The following SSC5D variants were observed in gnomAD, a reference collection of about 807,000 sequenced individuals.
The protein encoded by SSC5D is soluble scavenger receptor cysteine-rich domain-containing protein SSC5D.
In SSC5D, 106 loss-of-function variants were observed where a neutral mutation model predicts 104.6. The observed-to-expected ratio is 1.01, with a 90% CI of 0.87 to 1.19. The LOEUF is 1.19. Ranked by LOEUF, SSC5D falls within the 50% of genes most tolerant of loss-of-function variation. The probability of loss-of-function intolerance (pLI) is 0.00; values close to 1 mark genes in which losing one functional copy is unlikely to be tolerated. For missense variants in SSC5D, 1,993 were observed against 2,153.8 expected (o/e 0.93, Z 1.48); for synonymous variants, 860 against 883.5 (o/e 0.97, Z 0.47).
chr19:55,502,962 T>C (rs1987544702), intron 12 of SSC5D, among the ~76,000 whole-genome samples: 1 of 152,062 alleles, frequency 6.6e-6, no homozygotes, highest in Non-Finnish European at 1.5e-5. Flanking sequence ...ATTACAGGCG[T>C]GTGCCACCAC....
intron 2 of SSC5D, 35 bp from the exon 3 acceptor site, chr19:55,489,319 C>T (rs1188873752): frequency 1.6e-5 from 23 of 1,423,424 alleles, no homozygotes; most frequent in Admixed American, 9.6e-5. Flanking sequence ...CCCAGGATGC[C>T]CCTCCCCAGT....
rs61742932 is a variant in SSC5D, at chr19:55,500,513, G to A, written c.2326G>A (p.Asp776Asn). 1,255 of 1,551,648 alleles carry A rather than the reference G, an allele frequency of 8.1e-4. 12 individuals carry two copies. In the African/African-American group the frequency reaches 0.014, roughly 17 times the overall value. Reference sequence around the variant, plus strand: ...AGGCCTGTTCCGGGTTCGTCTGGCCGATGGGCCCAACCGCTGTGCTGGCCG... The same window carrying A: ...AGGCCTGTTCCGGGTTCGTCTGGCCAATGGGCCCAACCGCTGTGCTGGCCG... ...ESGLFRVRLA[D>N]GPNRCAGRLE... The change falls in exon 11 of 14, where the codon GAT (aspartate) becomes AAT (asparagine). Residue 776 changes from aspartate (D) to asparagine (N), a missense_variant. Asp to Asn is a conservative substitution (Grantham distance 23). This residue lies in a region of SSC5D where 70 missense variants were observed against 107.1 expected (regional missense o/e 0.65). Transcript: ENST00000389623. This position sits in a 1 kb window ranked among gnomAD's most constrained non-coding sequence, Gnocchi z 4.6.
intron 4 of SSC5D, 94 bp downstream of exon 4, chr19:55,490,089 C>T (rs1486334168): frequency 3.1e-5 from 17 of 545,612 alleles, no homozygotes; most frequent in African/African-American, 2.2e-4. Flanking sequence ...CCCCACCCAG[C>T]GTGCCCTCCT....
At position 55,513,012 on chromosome 19, in the gene SSC5D, C is replaced by T; in HGVS notation, c.2787C>T (p.Gly929=). ...ATCCTCTTCCCCATATCTCTCTAGG[C>T]AGCAAAGATGGTTACAAGCTTCCCT... ...SPAIRRLPDT[G]SKDGYKLPWT... The change falls in exon 13 of 14, where the codon GGC becomes GGT. Residue 929 remains glycine (G), a splice_region_variant and synonymous_variant. Coordinates refer to ENST00000389623, the MANE Select transcript of SSC5D (RefSeq NM_001144950.2). The T allele has an allele frequency of 6.4e-7, 1 of 1,552,002 alleles. No individual in the cohort carries two copies. The highest frequency in any genetic ancestry group is 1.2e-5 in the South Asian group (1 of 84,054).
chr19:55,513,727 A>G (rs1327693986), intron 13 of SSC5D, among the ~76,000 whole-genome samples: 1 of 152,224 alleles, frequency 6.6e-6, no homozygotes, highest in Non-Finnish European at 1.5e-5. Flanking sequence ...TGATCGGTAG[A>G]GGCCGGGGTG....
Position 55,517,484 on chromosome 19 carries a change from G to A in SSC5D, c.3208G>A (p.Ala1070Thr), listed in dbSNP as rs1987899610. The A allele has an allele frequency of 6.4e-7, 1 of 1,551,204 alleles. No homozygotes were observed. Residue 1070 changes from alanine to threonine, a missense_variant, in exon 14 of 14, where the codon GCT (alanine) becomes ACT (threonine). Ala to Thr is a moderately conservative substitution (Grantham distance 58). Transcript: ENST00000389623. ...CCTCATCTTGACAAGCCCTGACTTT[G>A]CTTTGTCCACCCCTGACTCCAGTGT... Reference protein sequence around the residue: ...PDLILTSPDFALSTPDSSVVP... With the variant: ...PDLILTSPDFTLSTPDSSVVP...
At position 55,517,542 on chromosome 19, in the gene SSC5D, C is replaced by T. The variant is rs901650759; in HGVS notation, c.3266C>T (p.Thr1089Met). The part of the protein sequence containing the change: ...VPALTPEPSP[T>M]PLPTLPKELT... ...GCGTTGACCCCGGAGCCCTCACCCA[C>T]GCCCTTACCCACCTTGCCCAAAGAG... Residue 1089 changes from threonine to methionine, a missense_variant, in exon 14 of 14, where the codon ACG becomes ATG. Thr to Met is a moderately conservative substitution (Grantham distance 81). Coordinates refer to ENST00000389623, the MANE Select transcript of SSC5D (RefSeq NM_001144950.2). The T allele has an allele frequency of 2.6e-6, 4 of 1,551,300 alleles. No homozygotes were observed. The African/African-American group carries it at 4.1e-5, about 16-fold the overall frequency.
rs1314597139 is a variant in SSC5D, at chr19:55,517,279, G to A, written c.3003G>A (p.Arg1001=). 1 of 1,547,126 alleles carries A rather than the reference G, an allele frequency of 6.5e-7. No homozygotes were observed. The highest frequency in any genetic ancestry group is 2.0e-5 in the Admixed American group (1 of 50,962). ...ERRPPRPAAT[R]TAPPTPSPGP... ...GGCCACCGCGGCCCGCTGCGACCAG[G>A]ACAGCGCCCCCAACCCCGTCCCCAG... The change falls in exon 14 of 14, where the codon AGG becomes AGA. Residue 1001 remains arginine, a synonymous_variant. Coordinates refer to ENST00000389623, the MANE Select transcript of SSC5D (RefSeq NM_001144950.2).
intron 8 of SSC5D, among the ~76,000 whole-genome samples, chr19:55,497,525 T>C (rs1327026931): frequency 6.6e-6 from 1 of 152,250 alleles, no homozygotes; most frequent in Non-Finnish European, 1.5e-5. Flanking sequence ...ATTTGGCTAC[T>C]GTGAATGGTG....
chr19:55,489,482 C>T lies in SSC5D; in HGVS notation c.181C>T (p.Leu61=). Residue 61 remains leucine, a synonymous_variant, in exon 3 of 14, where the codon CTG becomes TTG. Transcript: ENST00000389623. The part of the protein sequence containing the change: ...LRDAAVACRQ[L]GCGGALAAPG... ...CGATGCCGCCGTGGCCTGCCGGCAG[C>T]TGGGCTGCGGAGGGGCACTGGCCGC... 1 of 1,473,648 alleles carries T rather than the reference C, an allele frequency of 6.8e-7. No individual in the cohort carries two copies. The highest frequency in any genetic ancestry group is 1.4e-5 in the South Asian group (1 of 73,064). 91.3% of individuals were successfully genotyped at this position (1,473,648 alleles called of 1,614,324 possible). A position where few individuals can be genotyped will look rare whatever the true frequency, so the allele number is the denominator to read the frequency against.
intron 8 of SSC5D, among the ~76,000 whole-genome samples, chr19:55,495,756 A>T (rs1987310379): frequency 6.6e-6 from 1 of 151,534 alleles, no homozygotes; most frequent in Admixed American, 6.6e-5. Flanking sequence ...TTATACATTT[A>T]TTTAGAGACA....
chr19:55,514,808 T>G (rs1424229296), intron 13 of SSC5D, among the ~76,000 whole-genome samples: 1 of 152,148 alleles, frequency 6.6e-6, no homozygotes, highest in Non-Finnish European at 1.5e-5. Flanking sequence ...TGCACAACCA[T>G]GGTCTCCCTG....
At chr19:55,494,885 TGGA>T (rs1987269988) in intron 8 of SSC5D, 102 bp downstream of exon 8, 8 of 1,351,356 alleles carry the variant, frequency 5.9e-6, no homozygotes, top group Non-Finnish European at 6.9e-6. Flanking sequence ...AAGAGAAAGG[TGGA>T]GAAGAGGAGC....
At chr19:55,504,648 A>C (rs901218502) in intron 12 of SSC5D, among the ~76,000 whole-genome samples, 1 of 152,106 alleles carries the variant, frequency 6.6e-6, no homozygotes, top group Non-Finnish European at 1.5e-5. Flanking sequence ...TTACAGGCGC[A>C]CGCCACCACA....
chr19:55,518,194 C>T lies in SSC5D; in HGVS notation c.3918C>T (p.Asp1306=), dbSNP rs1414718464. The T allele has an allele frequency of 5.1e-6, 7 of 1,372,898 alleles. No individual in the cohort carries two copies. The highest frequency in any genetic ancestry group is 3.8e-5 in the South Asian group (3 of 78,236). The allele number at this position is 1,372,898 out of a possible 1,614,324, so 85.0% of individuals were successfully genotyped here. The change falls in exon 14 of 14, where the codon GAC becomes GAT. Residue 1306 remains aspartate, a synonymous_variant. Coordinates refer to ENST00000389623, the MANE Select transcript of SSC5D (RefSeq NM_001144950.2). ...CCCCTCACCCCACCATGACTCCTGA[C>T]CCCACCACGACCCCTTACCCCACCA... The part of the protein sequence containing the change: ...TTTPHPTMTP[D]PTTTPYPTTT...
chr19:55,501,866 C>G (rs150178489), intron 12 of SSC5D, among the ~76,000 whole-genome samples: 1 of 152,326 alleles, frequency 6.6e-6, no homozygotes, highest in Non-Finnish European at 1.5e-5. Context: ...TCCATCTCTG[C>G]TCCTGTTTCT....
At chr19:55,504,310 C>T in intron 12 of SSC5D, 6 of 1,428,762 alleles carry the variant, frequency 4.2e-6, no homozygotes, top group African/African-American at 1.4e-5. Flanking sequence ...GAAATAAATG[C>T]AGAATCACAA....
rs1250448585 is a variant in SSC5D at position 55,500,701 on chromosome 19, CAT to C, written c.2515_2516del (p.Met839GlyfsTer3). ...GGACTGGGCCCATCTGGCTGGATGA[CAT>C]GGGCTGTAAGGGAAGCGAGGCCTCA... ...PGTGPIWLDD[M>X]GCKGSEASLS... On this transcript the variant is annotated frameshift_variant, in exon 11 of 14. Coordinates refer to ENST00000389623, the MANE Select transcript of SSC5D (RefSeq NM_001144950.2). LOFTEE classifies it high-confidence loss of function. This position sits in a 1 kb window ranked among gnomAD's most constrained non-coding sequence, Gnocchi z 4.6. 1.6e-5 allele frequency: 25 copies of C among 1,551,560 alleles called. No homozygotes were observed. The South Asian group carries it at 2.7e-4, about 17-fold the overall frequency.
intron 12 of SSC5D, among the ~76,000 whole-genome samples, 183 bp from the exon 13 acceptor site, chr19:55,512,828 G>A (rs938373110): frequency 6.6e-6 from 1 of 152,080 alleles, no homozygotes; most frequent in Non-Finnish European, 1.5e-5. Flanking sequence ...CGTTTCCGTC[G>A]TTGGTAGCCA....
Sources: allele counts gnomAD v4.1 joint callset (sites outside exome capture counted in the v4.1 genomes callset), GRCh38; gene constraint gnomAD v4.1.1; regional missense constraint gnomAD v4.1.1; non-coding constraint Gnocchi (gnomAD v3.1); transcripts MANE v1.5; gene names NCBI Gene and HGNC (gene_info 2026-07-23, HGNC 2026-07-21).